MANSC1: variants seen among roughly 807,000 people sequenced by gnomAD.
MANSC1 encodes the protein MANSC domain-containing protein 1.
A neutral mutation model predicts 14.1 loss-of-function variants in MANSC1; 13 were observed. The ratio of observed to expected loss-of-function variants is 0.92; its 90% CI spans 0.60 to 1.46. The LOEUF (loss-of-function observed/expected upper bound fraction) is 1.46, where lower values mean the gene tolerates loss of function less well. Ranked by LOEUF, MANSC1 falls within the 40% of genes most tolerant of loss-of-function variation. The pLI, the probability that MANSC1 is intolerant of heterozygous loss-of-function variation, is 0.00. For synonymous variants in MANSC1, 227 were observed against 200.7 expected (o/e 1.13, Z -1.11); for missense variants, 486 against 511.4 (o/e 0.95, Z 0.48).
chr12:12,345,761 A>C (rs534399990), intron 1 of MANSC1, among the ~76,000 whole-genome samples: 6 of 152,336 alleles, frequency 3.9e-5, no homozygotes, highest in African/African-American at 1.4e-4. Context: ...CCCCTTTGAT[A>C]GTCTGAGGAA....
chr12:12,344,924 T>TAC (rs1862988054), intron 1 of MANSC1, among the ~76,000 whole-genome samples: 1 of 31,798 alleles, frequency 3.1e-5, no homozygotes, highest in Non-Finnish European at 6.2e-5. Flanking sequence ...CCCATATATA[T>TAC]ATATATATAT....
At chr12:12,348,808 C>T (rs895545122) in intron 1 of MANSC1, among the ~76,000 whole-genome samples, 1 of 150,996 alleles carries the variant, frequency 6.6e-6, no homozygotes, top group African/African-American at 2.4e-5. Context: ...ATTCTGTATA[C>T]AGTAAAATAG....
intron 2 of MANSC1, among the ~76,000 whole-genome samples, chr12:12,340,571 C>A (rs1862920330): frequency 6.6e-6 from 1 of 152,176 alleles, no homozygotes. Context: ...TCTAGAGTAT[C>A]ATCGAGTTAT....
At chr12:12,344,568 C>T (rs979686238) in intron 1 of MANSC1, among the ~76,000 whole-genome samples, 30 of 151,070 alleles carry the variant, frequency 2.0e-4, no homozygotes, top group African/African-American at 6.3e-4. Context: ...CTCTTGGGTT[C>T]GAGTGATTCC....
At chr12:12,344,915 CCA>C (rs1491402322) in intron 1 of MANSC1, among the ~76,000 whole-genome samples, 45 of 30,054 alleles carry the variant, frequency 1.5e-3, no homozygotes, top group Admixed American at 6.2e-3. Context: ...TAATAAACTC[CCA>C]TATATATATA....
At chr12:12,345,132 C>T (rs1428797027) in intron 1 of MANSC1, among the ~76,000 whole-genome samples, 1 of 148,526 alleles carries the variant, frequency 6.7e-6, no homozygotes, top group Non-Finnish European at 1.5e-5. Flanking sequence ...CCAGCCTGGC[C>T]AATGTGGTGA....
Position 12,328,288 on chromosome 12 carries a change from G to A in MANSC1, c.*1739C>T, listed in dbSNP as rs1862731473. The A allele has an allele frequency of 6.6e-6, 1 of 152,040 alleles. No homozygotes were observed. The highest frequency in any genetic ancestry group is 6.6e-5 in the Admixed American group (1 of 15,252). The allele number at this position is 152,040 out of a possible 1,614,324, so 9.4% of individuals were successfully genotyped here. Reference sequence around the variant, plus strand: ...TATTATTATTTTTGAGACGGAGTCTGGCTCTGTTGCCCAGGCTGGAGCGCA... The same window carrying A: ...TATTATTATTTTTGAGACGGAGTCTAGCTCTGTTGCCCAGGCTGGAGCGCA... On this transcript the variant is annotated 3_prime_UTR_variant, in exon 4 of 4. Coordinates refer to ENST00000535902, the MANE Select transcript of MANSC1 (RefSeq NM_018050.4).
chr12:12,341,729 C>G (rs1193198190), intron 2 of MANSC1, among the ~76,000 whole-genome samples: 1 of 152,092 alleles, frequency 6.6e-6, no homozygotes, highest in Non-Finnish European at 1.5e-5. Flanking sequence ...GGCTCACACA[C>G]TTTGGGAGGC....
At position 12,333,991 on chromosome 12, in the gene MANSC1, G is replaced by C. The variant is rs142159021; in HGVS notation, c.365-3033C>G. On this transcript the variant is annotated intron_variant, in intron 3 of 3. Coordinates refer to ENST00000535902, the MANE Select transcript of MANSC1 (RefSeq NM_018050.4). ...AGGCTGGGCACGGTGGCTCATGCCT[G>C]TAATCCCAGCACTTTGAGAGGCCGA... is the stretch of plus-strand genomic sequence containing the variant. Among the ~76,000 whole-genome samples the C allele has an allele frequency of 5.3e-5, 8 of 152,310 alleles. No homozygotes were observed. The East Asian group carries it at 1.4e-3, about 26-fold the overall frequency.
Position 12,330,397 on chromosome 12 carries a change from G to T in MANSC1, c.926C>A (p.Ala309Glu), listed in dbSNP as rs1862768123. ...TTAVLTTTFQ[A>E]PTDSKGSLET... Reference sequence around the variant, plus strand: ...TAAGCTGCCTTTCGAGTCCGTAGGTGCCTGAAAGGTGGTAGTCAGAACTGC... The same window carrying T: ...TAAGCTGCCTTTCGAGTCCGTAGGTTCCTGAAAGGTGGTAGTCAGAACTGC... Residue 309 changes from alanine to glutamate, a missense_variant, in exon 4 of 4, where the codon GCA (alanine) becomes GAA (glutamate). Transcript: ENST00000535902. 6.2e-7 allele frequency: 1 copy of T among 1,614,244 alleles called. No individual in the cohort carries two copies. Among genetic ancestry groups the T allele is most frequent in the African/African-American group, 1.3e-5 (1 of 75,068 alleles).
At chr12:12,342,877 C>T (rs1862955657) in intron 2 of MANSC1, among the ~76,000 whole-genome samples, 2 of 152,122 alleles carry the variant, frequency 1.3e-5, no homozygotes, top group African/African-American at 4.8e-5. Context: ...CTCTTGTCTA[C>T]CCAGTCACCT....
Position 12,328,850 on chromosome 12 carries a change from T to TG in MANSC1, c.*1176dup, listed in dbSNP as rs1226936121. 1 of 151,522 alleles carries TG rather than the reference T, an allele frequency of 6.6e-6. No individual in the cohort carries two copies. The highest frequency in any genetic ancestry group is 1.5e-5 in the Non-Finnish European group (1 of 67,948). 9.4% of individuals were successfully genotyped at this position (151,522 alleles called of 1,614,324 possible). ...AAAAATATAAAAAATTAGCTGGGCG[T>TG]GTTGGCGGGCGCCTGTAGTCCCAGC... is the stretch of plus-strand genomic sequence containing the variant. On this transcript the variant is annotated 3_prime_UTR_variant, in exon 4 of 4. Transcript: ENST00000535902.
rs1233592621 is a variant in MANSC1 at position 12,330,697 on chromosome 12, A to G, written c.626T>C (p.Phe209Ser). ...ATGAGCTATTTCTTGATCAGAGGAA[A>G]ATTGTGAACTCTGAGAATGGCCTTT... The part of the protein sequence containing the change: ...KEKGHSQSSQ[F>S]SSDQEIAHLL... Residue 209 changes from phenylalanine to serine, a missense_variant, in exon 4 of 4, where the codon TTT (phenylalanine) becomes TCT (serine). By Grantham distance (155) the Phe-to-Ser change is radical. Coordinates refer to ENST00000535902, the MANE Select transcript of MANSC1 (RefSeq NM_018050.4). The G allele has an allele frequency of 6.2e-7, 1 of 1,614,210 alleles. No individual in the cohort carries two copies. The highest frequency in any genetic ancestry group is 1.7e-5 in the Admixed American group (1 of 60,020).
chr12:12,335,664 C>A (rs1021072271), intron 3 of MANSC1, among the ~76,000 whole-genome samples: 7 of 149,558 alleles, frequency 4.7e-5, no homozygotes, highest in Non-Finnish European at 8.9e-5. Context: ...GCCAACATGG[C>A]GAGACCATGT....
intron 3 of MANSC1, among the ~76,000 whole-genome samples, chr12:12,332,989 A>C (rs1862811953): frequency 9.9e-5 from 15 of 152,052 alleles, no homozygotes; most frequent in Admixed American, 9.8e-4. Flanking sequence ...CATCTGCTCT[A>C]GGATATAGTA....
chr12:12,331,927 T>C (rs963995010), intron 3 of MANSC1, among the ~76,000 whole-genome samples: 6 of 152,116 alleles, frequency 3.9e-5, no homozygotes, highest in Non-Finnish European at 5.9e-5. Flanking sequence ...GGGACCAATA[T>C]TTGAAATCAT....
Position 12,347,266 on chromosome 12 carries a change from C to T in MANSC1, c.-101+2812G>A, listed in dbSNP as rs141623607. On this transcript the variant is annotated intron_variant, in intron 1 of 3. Transcript: ENST00000535902. ...ATCTGGGGGTGATGGGAGACAGTGA[C>T]AGATCATCAGGCATTAGATTCTCAT... 9.2e-3 allele frequency among the ~76,000 whole-genome samples: 1,396 copies of T among 152,292 alleles called. 28 individuals carry two copies. Among genetic ancestry groups the T allele is most frequent in the African/African-American group, 0.03 (1,263 of 41,548 alleles).
At chr12:12,334,312 CAGAA>C (rs1565795714) in intron 3 of MANSC1, among the ~76,000 whole-genome samples, 1 of 151,276 alleles carries the variant, frequency 6.6e-6, no homozygotes, top group Non-Finnish European at 1.5e-5. Context: ...GAGAGAGAGA[CAGAA>C]AAGAAAAAGA....
At chr12:12,338,694 G>C in intron 2 of MANSC1, 134 bp from the exon 3 acceptor site, 1 of 786,744 alleles carries the variant, frequency 1.3e-6, no homozygotes, top group Admixed American at 2.8e-5. Flanking sequence ...CTTGCTGACC[G>C]CTGAATCATT....
Sources: allele counts gnomAD v4.1 joint callset (sites outside exome capture counted in the v4.1 genomes callset), GRCh38; gene constraint gnomAD v4.1.1; transcripts MANE v1.5; gene names NCBI Gene and HGNC (gene_info 2026-07-23, HGNC 2026-07-21).